The following TACC2 variants were observed in gnomAD, a reference collection of about 807,000 sequenced individuals.
TACC2 encodes transforming acidic coiled-coil-containing protein 2.
A neutral mutation model predicts 227.3 loss-of-function variants in TACC2; 137 were observed. The ratio of observed to expected loss-of-function variants is 0.60; its 90% CI spans 0.52 to 0.69. The LOEUF (loss-of-function observed/expected upper bound fraction) is 0.69, where lower values mean the gene tolerates loss of function less well. Ranked by LOEUF, TACC2 falls within the 30% of genes least tolerant of loss-of-function variation. The probability of loss-of-function intolerance (pLI) is 0.00; values close to 1 mark genes in which losing one functional copy is unlikely to be tolerated. For missense variants in TACC2, 3,470 were observed against 3,694.4 expected (o/e 0.94, Z 1.57); for synonymous variants, 1,523 against 1,487.5 (o/e 1.02, Z -0.55).
intron 1 of TACC2, among the ~76,000 whole-genome samples, chr10:122,002,183 T>C (rs772797125): frequency 8.5e-5 from 13 of 152,210 alleles, no homozygotes; most frequent in Non-Finnish European, 1.8e-4. Flanking sequence ...TCAAGTATCT[T>C]CTTACAAGGG....
At chr10:122,252,495 T>TC (rs1491554862) in intron 22 of TACC2, among the ~76,000 whole-genome samples, 5 of 151,008 alleles carry the variant, frequency 3.3e-5, no homozygotes, top group African/African-American at 1.2e-4. Flanking sequence ...TTTTTTTCTT[T>TC]CTTTTTTTTT....
At chr10:122,163,238 T>C (rs2092928308) in intron 7 of TACC2, among the ~76,000 whole-genome samples, 1 of 151,862 alleles carries the variant, frequency 6.6e-6, no homozygotes, top group African/African-American at 2.4e-5. Flanking sequence ...GCAGCCTATT[T>C]ACCTGTTCCT....
chr10:122,211,789 C>A, intron 9 of TACC2, 81 bp downstream of exon 9: 3 of 1,262,138 alleles, frequency 2.4e-6, no homozygotes, highest in Non-Finnish European at 3.3e-6. Flanking sequence ...GCCTGGATAA[C>A]CTTCGACTGC....
At chr10:122,184,101 G>A (rs1403480048) in intron 7 of TACC2, among the ~76,000 whole-genome samples, 1 of 152,164 alleles carries the variant, frequency 6.6e-6, no homozygotes, top group Non-Finnish European at 1.5e-5. Context: ...GCGGCCGTGG[G>A]GTTATTCCCA....
At chr10:121,992,932 G>A (rs1031954062) in intron 1 of TACC2, among the ~76,000 whole-genome samples, 1 of 151,576 alleles carries the variant, frequency 6.6e-6, no homozygotes, top group African/African-American at 2.4e-5. Context: ...TCCAGCCTGG[G>A]CAACAGAGTG....
chr10:122,049,082 A>C (rs895581647), intron 2 of TACC2, among the ~76,000 whole-genome samples: 4 of 152,200 alleles, frequency 2.6e-5, no homozygotes, highest in Non-Finnish European at 4.4e-5. Flanking sequence ...CTCCAAGCTG[A>C]TCTGGTGCAG....
chr10:122,026,313 CAAAAA>C (rs71022883), intron 2 of TACC2, among the ~76,000 whole-genome samples: 1 of 71,206 alleles, frequency 1.4e-5, no homozygotes, highest in Non-Finnish European at 2.5e-5. Flanking sequence ...GACTCTGTCT[CAAAAA>C]AAAAAAAAAA....
rs769972131 is a variant in TACC2, at chr10:122,084,784, C to T, written c.2284C>T (p.Pro762Ser). 3.1e-6 allele frequency: 5 copies of T among 1,613,490 alleles called. No homozygotes were observed. Among genetic ancestry groups the T allele is most frequent in the Admixed American group, 1.7e-5 (1 of 60,012 alleles). Residue 762 changes from proline (P) to serine (S), a missense_variant, in exon 4 of 23, where the codon CCC (proline) becomes TCC (serine). By Grantham distance (74) the Pro-to-Ser change is moderately conservative (BLOSUM62 -1). This residue lies in a region of TACC2 where 1,924 missense variants were observed against 1,978.3 expected (regional missense o/e 0.97). Coordinates refer to ENST00000369005, the MANE Select transcript of TACC2 (RefSeq NM_206862.4). ...GGGCTTGCTGACGTCCCCAGATCAA[C>T]CCCGCGGGCCGGCGTGTGATGCGTC... ...GEGLLTSPDQ[P>S]RGPACDASRQ...
chr10:122,036,738 G>A (rs966198175), intron 2 of TACC2, among the ~76,000 whole-genome samples: 4 of 152,138 alleles, frequency 2.6e-5, no homozygotes, highest in Non-Finnish European at 5.9e-5. Context: ...ATGCTGTGAT[G>A]AATATGGGTG....
intron 16 of TACC2, among the ~76,000 whole-genome samples, chr10:122,233,388 G>A (rs575477029): frequency 6.6e-6 from 1 of 152,338 alleles, no homozygotes; most frequent in South Asian, 2.1e-4. Context: ...ACGGAAGGAT[G>A]TGTCTGGGTT....
At chr10:122,223,299 G>T (rs1459034582) in intron 11 of TACC2, among the ~76,000 whole-genome samples, 1 of 152,106 alleles carries the variant, frequency 6.6e-6, no homozygotes, top group Non-Finnish European at 1.5e-5. Flanking sequence ...GCTTCCCAAA[G>T]TGCTGGGATT....
intron 12 of TACC2, among the ~76,000 whole-genome samples, chr10:122,226,094 G>A (rs2095622646): frequency 6.6e-6 from 1 of 152,170 alleles, no homozygotes; most frequent in African/African-American, 2.4e-5. Context: ...ATTGAACAAA[G>A]TCCAGCTCAC....
intron 7 of TACC2, among the ~76,000 whole-genome samples, chr10:122,165,073 T>A (rs768870648): frequency 5.3e-5 from 8 of 152,118 alleles, no homozygotes; most frequent in Non-Finnish European, 1.2e-4. Context: ...AGGGAGTCAT[T>A]CTTCCGAGCA....
intron 8 of TACC2, among the ~76,000 whole-genome samples, chr10:122,200,156 G>T (rs1362133142): frequency 6.6e-6 from 1 of 152,224 alleles, no homozygotes; most frequent in Admixed American, 6.5e-5. Flanking sequence ...ATGGGCCCAG[G>T]ACCAGGGAAC....
chr10:122,220,151 T>G (rs559581634), intron 11 of TACC2, among the ~76,000 whole-genome samples: 2 of 152,272 alleles, frequency 1.3e-5, no homozygotes, highest in South Asian at 4.2e-4. Context: ...TTTTTTTTCC[T>G]TAGGAAATAT....
At chr10:122,232,943 T>C (rs1297027090) in intron 16 of TACC2, among the ~76,000 whole-genome samples, 3 of 152,180 alleles carry the variant, frequency 2.0e-5, no homozygotes, top group Non-Finnish European at 4.4e-5. Flanking sequence ...TGAAATCACT[T>C]GGAATGAAAA....
At chr10:122,189,534 A>G (rs565603971) in intron 7 of TACC2, among the ~76,000 whole-genome samples, 2 of 152,184 alleles carry the variant, frequency 1.3e-5, no homozygotes, top group Non-Finnish European at 2.9e-5. Flanking sequence ...AGAAGAAGGA[A>G]GCCCCTGTCT....
At chr10:122,108,732 C>T (rs541380572) in intron 5 of TACC2, among the ~76,000 whole-genome samples, 10 of 144,794 alleles carry the variant, frequency 6.9e-5, no homozygotes, top group African/African-American at 2.6e-4. Context: ...TGTGAGCCAT[C>T]GCCCGGTCTT....
intron 9 of TACC2, 40 bp from the exon 10 acceptor site, chr10:122,215,351 C>T: frequency 1.9e-6 from 3 of 1,585,324 alleles, no homozygotes; most frequent in Non-Finnish European, 2.6e-6. Context: ...GTGTTCCGTC[C>T]CTCTGCTTGT....
Sources: gnomAD v4.1 joint callset for allele counts (sites outside exome capture counted in the v4.1 genomes callset) on GRCh38, gnomAD v4.1.1 for gene constraint, gnomAD v4.1.1 regional missense constraint, MANE v1.5 for transcripts, NCBI Gene and HGNC (gene_info 2026-07-23, HGNC 2026-07-21) for gene names.